The following AXIN1 variants were observed in gnomAD, a reference collection of about 807,000 sequenced individuals.
AXIN1 encodes the protein axin 1, also known as axin-1.
AXIN1 carries 30 observed loss-of-function variants against 76.4 expected under a neutral mutation model. That is an observed-to-expected ratio of 0.39 (90% CI 0.29 to 0.53). The LOEUF is 0.53. Among genes scored for constraint, AXIN1 ranks in the 20% least tolerant of loss-of-function variants. The pLI, the probability that AXIN1 is intolerant of heterozygous loss-of-function variation, is 0.66. For missense variants in AXIN1, 1,140 were observed against 1,198.8 expected (o/e 0.95, Z 0.72); for synonymous variants, 545 against 501.4 (o/e 1.09, Z -1.16).
chr16:351,881 A>G lies in AXIN1; in HGVS notation c.-82+488T>C, dbSNP rs1394359054. On this transcript the variant is annotated intron_variant, in intron 1 of 10. Coordinates refer to ENST00000262320, the MANE Select transcript of AXIN1 (RefSeq NM_003502.4). ...TGCAGCTCTGGTTTCACGGGGGCTA[A>G]ATTCCAAAGTGCGGGGCGGGGGTAG... Among the ~76,000 whole-genome samples the G allele has an allele frequency of 2.0e-5, 3 of 152,134 alleles. No homozygotes were observed. The East Asian group carries it at 5.8e-4, about 29-fold the overall frequency.
chr16:309,879 G>A, intron 4 of AXIN1, 94 bp downstream of exon 4: 1 of 1,249,944 alleles, frequency 8.0e-7, no homozygotes, highest in Non-Finnish European at 1.2e-6. Context: ...TGGCTCGTGG[G>A]AGGCCAGGCA....
chr16:335,957 A>T (rs370914539), intron 2 of AXIN1, among the ~76,000 whole-genome samples: 31 of 152,264 alleles, frequency 2.0e-4, no homozygotes, highest in Non-Finnish European at 3.8e-4. Flanking sequence ...GAAAATGGCC[A>T]GGCGTGGTGG....
At chr16:352,251 CCG>C in intron 1 of AXIN1, 116 bp downstream of exon 1, 1 of 615,556 alleles carries the variant, frequency 1.6e-6, no homozygotes, top group Non-Finnish European at 2.0e-6. Flanking sequence ...CCCCAGCTCC[CCG>C]CGCGCCCACC....
At chr16:337,092 G>A (rs1284662977) in intron 2 of AXIN1, among the ~76,000 whole-genome samples, 1 of 134,682 alleles carries the variant, frequency 7.4e-6, no homozygotes, top group Non-Finnish European at 1.5e-5. Flanking sequence ...AGAGGTTGCA[G>A]TGAGCTGAGA....
intron 2 of AXIN1, among the ~76,000 whole-genome samples, chr16:320,937 G>A (rs183435767): frequency 7.7e-4 from 117 of 151,772 alleles, no homozygotes; most frequent in South Asian, 7.3e-3. Flanking sequence ...ACAAGGTTTC[G>A]CCGTGTTGGT....
chr16:315,593 C>T (rs558158993), intron 2 of AXIN1, among the ~76,000 whole-genome samples: 6 of 152,128 alleles, frequency 3.9e-5, no homozygotes, highest in Non-Finnish European at 7.4e-5. Context: ...TTTGGGTGGC[C>T]GAGGCAGGCA....
chr16:311,882 G>C (rs994367918), intron 3 of AXIN1, among the ~76,000 whole-genome samples: 1 of 152,206 alleles, frequency 6.6e-6, no homozygotes, highest in Non-Finnish European at 1.5e-5. Flanking sequence ...CAGGACGACT[G>C]AAGAGAGCGC....
At chr16:310,639 C>T (rs568736001) in intron 3 of AXIN1, among the ~76,000 whole-genome samples, 320 of 152,346 alleles carry the variant, frequency 2.1e-3, no homozygotes, top group Non-Finnish European at 2.5e-3. Context: ...CCTCGTGATC[C>T]GCCCGCCTCG....
chr16:328,330 C>T (rs1450155257), intron 2 of AXIN1, among the ~76,000 whole-genome samples: 4 of 151,654 alleles, frequency 2.6e-5, no homozygotes, highest in South Asian at 2.1e-4. Context: ...GAGGCTGAGG[C>T]TGCAGTGAGC....
chr16:316,783 C>A (rs934070080), intron 2 of AXIN1, among the ~76,000 whole-genome samples: 2 of 152,248 alleles, frequency 1.3e-5, no homozygotes, highest in Non-Finnish European at 2.9e-5. Flanking sequence ...TTAGTCTCTA[C>A]TGTGCCTAAC....
At chr16:340,771 G>C (rs191964517) in intron 2 of AXIN1, among the ~76,000 whole-genome samples, 2 of 152,340 alleles carry the variant, frequency 1.3e-5, no homozygotes, top group Admixed American at 6.5e-5. Flanking sequence ...GTGGGTGAGT[G>C]GGACAAACAC....
chr16:299,877 G>A (rs538903043), intron 5 of AXIN1, among the ~76,000 whole-genome samples: 52 of 149,516 alleles, frequency 3.5e-4, no homozygotes, highest in African/African-American at 9.9e-4. Context: ...GGATGGTCTC[G>A]ATCTCCCGAC....
In AXIN1 at chr16:346,394, G is replaced by A. The variant is rs368975881; in HGVS notation, c.632C>T (p.Thr211Met). ...TTTGGGGCTCTCCGAGCCTGTCCTC[G>A]TATATTCCAAATAAATATCAGACTT... Reference protein sequence around the residue: ...FLKSDIYLEYTRTGSESPKVC... With the variant: ...FLKSDIYLEYMRTGSESPKVC... The change falls in exon 2 of 11, where the codon ACG becomes ATG. Residue 211 changes from threonine to methionine, a missense_variant. Physicochemically the swap from Thr to Met is moderately conservative, Grantham distance 81. This residue lies in a region of AXIN1 where 708 missense variants were observed against 776.9 expected (regional missense o/e 0.91). Coordinates refer to ENST00000262320, the MANE Select transcript of AXIN1 (RefSeq NM_003502.4). The A allele has an allele frequency of 2.6e-5, 42 of 1,614,134 alleles. No individual in the cohort carries two copies. The highest frequency in any genetic ancestry group is 1.6e-4 in the Middle Eastern group (1 of 6,062).
chr16:295,474 A>C (rs1239673765), intron 7 of AXIN1, among the ~76,000 whole-genome samples: 1 of 152,034 alleles, frequency 6.6e-6, no homozygotes, highest in African/African-American at 2.4e-5. Context: ...CTTTGAGTCC[A>C]GGAGGCTGAG....
intron 2 of AXIN1, among the ~76,000 whole-genome samples, chr16:324,506 A>C (rs2053535645): frequency 6.6e-6 from 1 of 152,200 alleles, no homozygotes; most frequent in South Asian, 2.1e-4. Context: ...CAACCCGCCC[A>C]GTGTCCCGCA....
At chr16:294,346 C>T (rs1213626980) in intron 7 of AXIN1, among the ~76,000 whole-genome samples, 20 of 148,432 alleles carry the variant, frequency 1.3e-4, no homozygotes, top group Non-Finnish European at 1.5e-5. Context: ...ACCAGTAATT[C>T]TAGTTACTCG....
intron 2 of AXIN1, among the ~76,000 whole-genome samples, chr16:335,541 T>C (rs917518965): frequency 1.4e-5 from 2 of 143,884 alleles, no homozygotes; most frequent in Admixed American, 6.9e-5. Context: ...ACCAATAACA[T>C]AGCACCCAGT....
intron 2 of AXIN1, among the ~76,000 whole-genome samples, chr16:343,452 AG>A (rs2053968968): frequency 6.6e-6 from 1 of 152,322 alleles, no homozygotes; most frequent in South Asian, 2.1e-4. Context: ...CTGGAATCCC[AG>A]CACTTTGGGA....
At chr16:344,863 G>A (rs1476532998) in intron 2 of AXIN1, among the ~76,000 whole-genome samples, 3 of 152,192 alleles carry the variant, frequency 2.0e-5, no homozygotes, top group Non-Finnish European at 2.9e-5. Context: ...GTTGATGAGC[G>A]AGTAGCCAAT....
Sources: allele counts gnomAD v4.1 joint callset (sites outside exome capture counted in the v4.1 genomes callset), GRCh38; gene constraint gnomAD v4.1.1; regional missense constraint gnomAD v4.1.1; transcripts MANE v1.5; gene names NCBI Gene and HGNC (gene_info 2026-07-23, HGNC 2026-07-21).